RNF212: variants seen among roughly 807,000 people sequenced by gnomAD.
The protein encoded by RNF212 is ring finger protein 212.
A neutral mutation model predicts 34.7 loss-of-function variants in RNF212; 33 were observed. That is an observed-to-expected ratio of 0.95 (90% CI 0.72 to 1.27). RNF212 has a LOEUF of 1.27. Among genes scored for constraint, RNF212 ranks in the 50% most tolerant of loss-of-function variants. The pLI, the probability that RNF212 is intolerant of heterozygous loss-of-function variation, is 0.00. For missense variants in RNF212, 377 were observed against 362.2 expected, an observed-to-expected ratio of 1.04 and a Z score of -0.33; for synonymous variants, 140 against 136.1, an observed-to-expected ratio of 1.03 and a Z score of -0.20.
chr4:1,086,166 C>T (rs1172810603), intron 4 of RNF212, among the ~76,000 whole-genome samples: 1 of 152,176 alleles, frequency 6.6e-6, no homozygotes, highest in African/African-American at 2.4e-5. Context: ...AAACCCAAGC[C>T]CCAGGGGACA....
intron 3 of RNF212, among the ~76,000 whole-genome samples, chr4:1,062,601 A>C (rs1717821227): frequency 6.6e-6 from 1 of 152,226 alleles, no homozygotes; most frequent in Non-Finnish European, 1.5e-5. Context: ...AAAGACAAGG[A>C]TGTCTGTTCT....
intron 3 of RNF212, among the ~76,000 whole-genome samples, chr4:1,096,036 G>C (rs78461909): frequency 9.4e-5 from 6 of 64,142 alleles, no homozygotes; most frequent in South Asian, 6.1e-4. Flanking sequence ...ACGGAACCAA[G>C]CACACCCCCC....
chr4:1,064,320 C>T lies in RNF212; in HGVS notation n.148-5927G>A, dbSNP rs150460737. Among the ~76,000 whole-genome samples the T allele has an allele frequency of 4.3e-3, 651 of 152,312 alleles. 7 individuals are homozygous for T. Among genetic ancestry groups the T allele is most frequent in the African/African-American group, 0.015 (609 of 41,560 alleles). On this transcript the variant is annotated intron_variant and non_coding_transcript_variant, in intron 3 of 4. Coordinates refer to the RNF212 transcript ENST00000503206. ...GTCGGTGTTCACCTCAGTGAGTGTT[C>T]ACTGTGGTGAGTTCAAGATGCATGT...
intron 2 of RNF212, among the ~76,000 whole-genome samples, chr4:1,103,066 A>G (rs6840162): frequency 0.82 from 123,877 of 151,986 alleles, 52,118 homozygotes; most frequent in East Asian, 1. Flanking sequence ...GTTAAACAAG[A>G]GGCATCATTA....
intron 3 of RNF212, among the ~76,000 whole-genome samples, chr4:1,092,157 CAT>C (rs1304057979): frequency 6.6e-6 from 1 of 152,248 alleles, no homozygotes; most frequent in African/African-American, 2.4e-5. Flanking sequence ...CTCAGCTTCA[CAT>C]GTTCGTGGAG....
chr4:1,108,413 T>TA lies in RNF212; in HGVS notation c.110-10dup, dbSNP rs1341496842. On this transcript the variant is annotated splice_polypyrimidine_tract_variant and intron_variant, in intron 1 of 9. Coordinates refer to ENST00000433731, the MANE Select transcript of RNF212 (RefSeq NM_001131034.4). ...GCATTCATTCTTTTTACCTATAAAA[T>TA]AAAAATAGGCTTTATTATATTAGAC... is the stretch of plus-strand genomic sequence containing the variant. 4 of 1,439,078 alleles carry TA rather than the reference T, an allele frequency of 2.8e-6. No homozygotes were observed. In the South Asian group the frequency reaches 4.3e-5, roughly 15 times the overall value. The allele number at this position is 1,439,078 out of a possible 1,614,324, so 89.1% of individuals were successfully genotyped here.
chr4:1,074,578 T>G (rs1718974016), intron 8 of RNF212, among the ~76,000 whole-genome samples: 3 of 152,104 alleles, frequency 2.0e-5, no homozygotes, highest in Admixed American at 6.5e-5. Flanking sequence ...GCCACACCCT[T>G]GGCCCTACCC....
At chr4:1,061,078 A>AAT (rs1717719962) in intron 3 of RNF212, among the ~76,000 whole-genome samples, 1 of 152,254 alleles carries the variant, frequency 6.6e-6, no homozygotes, top group Non-Finnish European at 1.5e-5. Flanking sequence ...CTGAAATCAG[A>AAT]ACACACTGAC....
At chr4:1,058,306 G>GC (rs1717485341) in intron 4 of RNF212, 1 of 903,596 alleles carries the variant, frequency 1.1e-6, no homozygotes, top group African/African-American at 1.9e-5. Flanking sequence ...GAAGGTGCTT[G>GC]CGGGGGGGCA....
chr4:1,070,695 G>A (rs368650125), downstream of RNF212, among the ~76,000 whole-genome samples: 5 of 152,326 alleles, frequency 3.3e-5, no homozygotes, highest in South Asian at 8.3e-4. Flanking sequence ...CTGTGTCAAC[G>A]TGGGTGCCTG....
chr4:1,075,396 C>A (rs1434124561), intron 8 of RNF212, among the ~76,000 whole-genome samples: 1 of 152,174 alleles, frequency 6.6e-6, no homozygotes, highest in Non-Finnish European at 1.5e-5. Context: ...TCTGGGGAGG[C>A]CTTGGGAGGC....
At chr4:1,112,091 C>T (rs867106493) in intron 1 of RNF212, among the ~76,000 whole-genome samples, 4 of 152,304 alleles carry the variant, frequency 2.6e-5, no homozygotes, top group African/African-American at 9.6e-5. Context: ...GCCTGTAGCC[C>T]CGCTACCCTG....
intron 3 of RNF212, chr4:1,093,444 C>T (rs1164352429): frequency 8.4e-6 from 12 of 1,436,160 alleles, no homozygotes; most frequent in Middle Eastern, 1.8e-4. Context: ...TCACGTCACA[C>T]AGCTGCGGGA....
intron 4 of RNF212, among the ~76,000 whole-genome samples, chr4:1,087,976 T>C (rs1197876846): frequency 6.6e-6 from 1 of 152,136 alleles, no homozygotes. Context: ...TCTCAGGTAG[T>C]TCTTTATAGG....
At chr4:1,088,177 G>C (rs971803129) in intron 4 of RNF212, among the ~76,000 whole-genome samples, 1 of 152,208 alleles carries the variant, frequency 6.6e-6, no homozygotes, top group Non-Finnish European at 1.5e-5. Context: ...GAATGGTTTT[G>C]ACCAAAATGC....
chr4:1,106,320 G>C (rs1474024418), intron 2 of RNF212, among the ~76,000 whole-genome samples: 2 of 146,784 alleles, frequency 1.4e-5, no homozygotes, highest in East Asian at 4.0e-4. Flanking sequence ...AAGAACACAC[G>C]CCTTTTTAAA....
intron 2 of RNF212, among the ~76,000 whole-genome samples, chr4:1,102,323 C>G (rs1007927011): frequency 6.6e-6 from 1 of 152,194 alleles, no homozygotes; most frequent in Non-Finnish European, 1.5e-5. Context: ...GAAATCCAGG[C>G]ATACTAAAGT....
At chr4:1,103,904 G>A (rs575850537) in intron 2 of RNF212, among the ~76,000 whole-genome samples, 5 of 152,258 alleles carry the variant, frequency 3.3e-5, no homozygotes, top group South Asian at 2.1e-4. Context: ...AAAAGGAAGC[G>A]CATAAGGAAT....
chr4:1,076,084 A>G (rs1326848470), intron 8 of RNF212, among the ~76,000 whole-genome samples: 1 of 152,234 alleles, frequency 6.6e-6, no homozygotes, highest in Non-Finnish European at 1.5e-5. Flanking sequence ...TGCCATGCTC[A>G]TTTAAGGTTA....
Sources: gnomAD v4.1 joint callset for allele counts (sites outside exome capture counted in the v4.1 genomes callset) on GRCh38, gnomAD v4.1.1 for gene constraint, MANE v1.5 for transcripts, NCBI Gene and HGNC (gene_info 2026-07-23, HGNC 2026-07-21) for gene names.